KIAA0753: variants seen among roughly 807,000 people sequenced by gnomAD.
KIAA0753 encodes protein moonraker.
In KIAA0753, 114 loss-of-function variants were observed where a neutral mutation model predicts 116.9. The observed-to-expected ratio is 0.98, with a 90% CI of 0.84 to 1.14. The LOEUF (loss-of-function observed/expected upper bound fraction) is 1.14, where lower values mean the gene tolerates loss of function less well. Among genes scored for constraint, KIAA0753 ranks in the 50% most tolerant of loss-of-function variants. KIAA0753 has a pLI of 0.00. For synonymous variants in KIAA0753, 405 were observed against 413.1 expected (o/e 0.98, Z 0.24); for missense variants, 1,156 against 1,172.4 (o/e 0.99, Z 0.20).
chr17:6,636,236 A>G lies in KIAA0753; in HGVS notation c.-68-1065T>C, dbSNP rs1334890820. 3 of 152,172 alleles carry G rather than the reference A, an allele frequency of 2.0e-5. No individual in the cohort carries two copies. The East Asian group carries it at 5.8e-4, about 29-fold the overall frequency. 9.4% of individuals were successfully genotyped at this position (152,172 alleles called of 1,614,324 possible). On this transcript the variant is annotated intron_variant, in intron 1 of 18. Coordinates refer to ENST00000361413, the MANE Select transcript of KIAA0753 (RefSeq NM_014804.3). ...TAAAGACAGCTGTCTAAGAGTCCTT[A>G]TTTCTAAGGCTGTAGCACACATGAA...
intron 7 of KIAA0753, 152 bp from the exon 8 acceptor site, chr17:6,612,300 T>C: frequency 1.6e-6 from 1 of 628,282 alleles, no homozygotes; most frequent in Middle Eastern, 4.1e-4. Flanking sequence ...CCTCCTCCTA[T>C]GAATATTACT....
intron 7 of KIAA0753, among the ~76,000 whole-genome samples, chr17:6,617,873 C>T (rs1971037198): frequency 1.3e-5 from 2 of 152,326 alleles, no homozygotes; most frequent in Admixed American, 6.5e-5. Flanking sequence ...GAGGCCAAGG[C>T]AGGCGGATCA....
intron 18 of KIAA0753, among the ~76,000 whole-genome samples, chr17:6,588,936 T>C (rs1968783052): frequency 6.6e-6 from 1 of 152,182 alleles, no homozygotes; most frequent in African/African-American, 2.4e-5. Flanking sequence ...ATCAGAGGCC[T>C]GCTACTGATA....
chr17:6,631,924 C>T (rs1972041877), intron 2 of KIAA0753, among the ~76,000 whole-genome samples: 1 of 152,062 alleles, frequency 6.6e-6, no homozygotes. Context: ...ACGGAGTCAC[C>T]CAGGCTGGAG....
chr17:6,582,992 AACCT>A (rs890879076), intron 18 of KIAA0753, among the ~76,000 whole-genome samples: 11 of 152,326 alleles, frequency 7.2e-5, no homozygotes, highest in African/African-American at 1.9e-4. Flanking sequence ...TATTCACTTT[AACCT>A]ACCTATTTAC....
chr17:6,611,361 A>G (rs1970532369), intron 8 of KIAA0753, among the ~76,000 whole-genome samples: 1 of 151,712 alleles, frequency 6.6e-6, no homozygotes, highest in African/African-American at 2.4e-5. Flanking sequence ...AGTACAGTGG[A>G]TCGATCACAG....
At chr17:6,614,821 C>T (rs141794651) in intron 7 of KIAA0753, among the ~76,000 whole-genome samples, 158 of 152,274 alleles carry the variant, frequency 1.0e-3, no homozygotes, top group Non-Finnish European at 1.9e-3. Flanking sequence ...ATTTTTGAGA[C>T]GGAGTCTTGC....
chr17:6,614,595 C>G (rs1317908918), intron 7 of KIAA0753, among the ~76,000 whole-genome samples: 1 of 151,380 alleles, frequency 6.6e-6, no homozygotes, highest in African/African-American at 2.4e-5. Context: ...ACAAGCAGTA[C>G]AAATGTAAAA....
chr17:6,630,343 G>T (rs1567588757), intron 2 of KIAA0753, among the ~76,000 whole-genome samples: 1 of 152,106 alleles, frequency 6.6e-6, no homozygotes, highest in Non-Finnish European at 1.5e-5. Flanking sequence ...TGTTGGTGAG[G>T]CTGTGGGAAG....
At chr17:6,607,698 G>A (rs2150820406) in intron 10 of KIAA0753, among the ~76,000 whole-genome samples, 1 of 152,308 alleles carries the variant, frequency 6.6e-6, no homozygotes, top group Non-Finnish European at 1.5e-5. Context: ...TTTTGGTTTA[G>A]GATATATGAA....
rs1362096118 is a variant in KIAA0753 at position 6,623,051 on chromosome 17, C to G, written c.935G>C (p.Arg312Pro). Residue 312 changes from arginine (R) to proline (P), a missense_variant, in exon 6 of 19, where the codon CGG becomes CCG. Coordinates refer to ENST00000361413, the MANE Select transcript of KIAA0753 (RefSeq NM_014804.3). ...CTGAGTGACAAACATCTGTAAGGCC[C>G]GAATGGCTCCTCGATGGGCAGCCGC... Reference protein sequence around the residue: ...KLAAAHRGAIRALQMFVTQFT... With the variant: ...KLAAAHRGAIPALQMFVTQFT... 1.2e-6 allele frequency: 2 copies of G among 1,614,056 alleles called. No individual in the cohort carries two copies. The highest frequency in any genetic ancestry group is 4.5e-5 in the East Asian group (2 of 44,880).
At chr17:6,616,895 C>T (rs1263716320) in intron 7 of KIAA0753, among the ~76,000 whole-genome samples, 1 of 152,160 alleles carries the variant, frequency 6.6e-6, no homozygotes, top group Admixed American at 6.5e-5. Flanking sequence ...AGAGGTGGGA[C>T]TAAAATCTAG....
intron 2 of KIAA0753, among the ~76,000 whole-genome samples, chr17:6,629,111 T>C (rs1971866940): frequency 6.6e-6 from 1 of 152,222 alleles, no homozygotes; most frequent in South Asian, 2.1e-4. Context: ...TATAACCCAT[T>C]GAAGCTTTCT....
chr17:6,580,318 T>TACTG (rs1567526598), intron 18 of KIAA0753, among the ~76,000 whole-genome samples: 1 of 117,894 alleles, frequency 8.5e-6, no homozygotes, highest in African/African-American at 3.6e-5. Context: ...CCAAGATACT[T>TACTG]TTTTTTTTTT....
intron 10 of KIAA0753, 64 bp from the exon 11 acceptor site, chr17:6,607,334 G>GA (rs1970261245): frequency 7.6e-7 from 1 of 1,321,916 alleles, no homozygotes. Flanking sequence ...CATCATCACA[G>GA]AAACAGACCA....
chr17:6,632,657 C>T (rs1972080486), intron 2 of KIAA0753, among the ~76,000 whole-genome samples: 1 of 152,174 alleles, frequency 6.6e-6, no homozygotes, highest in Non-Finnish European at 1.5e-5. Context: ...GCAGATACCA[C>T]CTTAATCAAA....
chr17:6,628,383 C>T lies in KIAA0753; in HGVS notation c.452G>A (p.Ser151Asn), dbSNP rs1971811571. ...DHRVERKESK[S>N]QAACQCSHQP... ...GTGGCTACACTGACAGGCTGCTTGA[C>T]TCTTTGATTCCTTCCTTTCCACCCT... is the stretch of plus-strand genomic sequence containing the variant. Residue 151 changes from serine (S) to asparagine (N), a missense_variant, in exon 3 of 19, where the codon AGT (serine) becomes AAT (asparagine). Transcript: ENST00000361413. 1 of 1,614,226 alleles carries T rather than the reference C, an allele frequency of 6.2e-7. No individual in the cohort carries two copies. The highest frequency in any genetic ancestry group is 1.1e-5 in the South Asian group (1 of 91,090).
chr17:6,628,534 C>G lies in KIAA0753; in HGVS notation c.301G>C (p.Val101Leu), dbSNP rs1362820042. ...VISQERLSYA[V>L]HLARRDVKRR... ...TTCACATCTCTTCTGGCTAGGTGGA[C>G]AGCATAGCTAAGTCTCTCTTGGGAT... is the stretch of plus-strand genomic sequence containing the variant. Residue 101 changes from valine (V) to leucine (L), a missense_variant, in exon 3 of 19, where the codon GTC (valine) becomes CTC (leucine). Physicochemically the swap from Val to Leu is conservative, Grantham distance 32 (BLOSUM62 1). Coordinates refer to ENST00000361413, the MANE Select transcript of KIAA0753 (RefSeq NM_014804.3). 6.2e-7 allele frequency: 1 copy of G among 1,614,054 alleles called. No individual in the cohort carries two copies. Among genetic ancestry groups the G allele is most frequent in the Non-Finnish European group, 8.5e-7 (1 of 1,180,040 alleles).
chr17:6,610,287 A>G (rs1171176387), intron 8 of KIAA0753, 127 bp from the exon 9 acceptor site: 1 of 993,702 alleles, frequency 1.0e-6, no homozygotes, highest in Non-Finnish European at 1.4e-6. Context: ...ACCTGAGTAG[A>G]AAGCACTGTG....
Sources: gnomAD v4.1 joint callset for allele counts (sites outside exome capture counted in the v4.1 genomes callset) on GRCh38, gnomAD v4.1.1 for gene constraint, MANE v1.5 for transcripts, NCBI Gene and HGNC (gene_info 2026-07-23, HGNC 2026-07-21) for gene names.